NALCN: variants seen among roughly 807,000 people sequenced by gnomAD.
NALCN encodes sodium leak channel, non-selective.
Under a neutral mutation model 225.3 loss-of-function variants are expected in NALCN, and 111 were observed. That is an observed-to-expected ratio of 0.49 (90% CI 0.42 to 0.58). The LOEUF (loss-of-function observed/expected upper bound fraction) is 0.58, where lower values mean the gene tolerates loss of function less well. NALCN is among the 20% of genes least tolerant of loss of function. NALCN has a pLI of 0.00. For missense variants in NALCN, 1,378 were observed against 2,202.4 expected, an observed-to-expected ratio of 0.63 and a Z score of 7.49; for synonymous variants, 764 against 769.0, an observed-to-expected ratio of 0.99 and a Z score of 0.11.
intron 7 of NALCN, among the ~76,000 whole-genome samples, chr13:101,296,053 G>C: frequency 6.6e-6 from 1 of 152,152 alleles, no homozygotes; most frequent in Non-Finnish European, 1.5e-5. Flanking sequence ...CCTCTTGACA[G>C]ACTCCTGGGC....
At chr13:101,367,476 G>A (rs915960896) in intron 6 of NALCN, among the ~76,000 whole-genome samples, 3 of 151,986 alleles carry the variant, frequency 2.0e-5, no homozygotes, top group Non-Finnish European at 4.4e-5. Context: ...CCTCAAGTGT[G>A]AGCTCCTCCA....
At chr13:101,323,460 T>C (rs930999321) in intron 7 of NALCN, among the ~76,000 whole-genome samples, 2 of 152,250 alleles carry the variant, frequency 1.3e-5, no homozygotes, top group African/African-American at 4.8e-5. Context: ...ATGTACAATA[T>C]GTTCTTAGAT....
intron 25 of NALCN, 62 bp from the exon 26 acceptor site, chr13:101,103,401 T>C: frequency 6.5e-7 from 1 of 1,529,412 alleles, no homozygotes; most frequent in Non-Finnish European, 8.8e-7. Context: ...TTACATTTTC[T>C]GACAGCCGAC....
intron 12 of NALCN, among the ~76,000 whole-genome samples, chr13:101,237,336 A>G (rs1374774670): frequency 6.6e-6 from 1 of 152,088 alleles, no homozygotes; most frequent in South Asian, 2.1e-4. Flanking sequence ...GTTGTTGAGC[A>G]AACACTTAGC....
chr13:101,416,592 T>C (rs188248660), upstream of NALCN: 1 of 152,196 alleles, frequency 6.6e-6, no homozygotes, highest in Non-Finnish European at 1.5e-5. Flanking sequence ...TTTATTTAAA[T>C]TTTTAAAGTT....
chr13:101,351,912 T>C (rs1375469196), intron 6 of NALCN, among the ~76,000 whole-genome samples: 4 of 152,218 alleles, frequency 2.6e-5, no homozygotes, highest in African/African-American at 4.8e-5. Context: ...TCTACAGATA[T>C]GGAACTACCA....
At chr13:101,263,518 G>T (rs1401815318) in intron 10 of NALCN, among the ~76,000 whole-genome samples, 5 of 152,098 alleles carry the variant, frequency 3.3e-5, no homozygotes, top group African/African-American at 1.2e-4. Context: ...TTCCTTAGCT[G>T]TGGATTTATG....
chr13:101,275,669 A>G (rs2138960679), intron 10 of NALCN, among the ~76,000 whole-genome samples: 1 of 152,212 alleles, frequency 6.6e-6, no homozygotes. Flanking sequence ...CTGGGGAGGA[A>G]GAAGGGAGAG....
intron 18 of NALCN, among the ~76,000 whole-genome samples, chr13:101,114,622 G>T (rs1281765088): frequency 2.0e-5 from 3 of 152,152 alleles, no homozygotes; most frequent in African/African-American, 4.8e-5. Context: ...CCATGCGATT[G>T]AGTGGGGCTC....
At chr13:101,136,718 G>T (rs1248033747) in intron 17 of NALCN, among the ~76,000 whole-genome samples, 2 of 152,104 alleles carry the variant, frequency 1.3e-5, no homozygotes, top group Admixed American at 1.3e-4. Flanking sequence ...TGGACATTTG[G>T]GTTGGTTCCA....
rs373448736 is a variant in NALCN, at chr13:101,078,013, G to C, written c.3886-2072C>G. Among the ~76,000 whole-genome samples the C allele has an allele frequency of 2.6e-5, 4 of 152,234 alleles. No individual in the cohort carries two copies. The East Asian group carries it at 7.7e-4, about 29-fold the overall frequency. Reference sequence around the variant, plus strand: ...ATACAGCTCAGGCTGATGCTTCAAAGAGTGCAAGCCCCACGACTTGGTGGC... The same window carrying C: ...ATACAGCTCAGGCTGATGCTTCAAACAGTGCAAGCCCCACGACTTGGTGGC... On this transcript the variant is annotated intron_variant, in intron 34 of 43. Transcript: ENST00000251127.
In NALCN at chr13:101,074,603, G is replaced by A. The variant is rs2033126940; in HGVS notation, c.4014C>T (p.Ile1338=). The A allele has an allele frequency of 1.2e-6, 2 of 1,613,690 alleles. No homozygotes were observed. The highest frequency in any genetic ancestry group is 2.7e-5 in the African/African-American group (2 of 74,988). Residue 1338 remains isoleucine, a synonymous_variant, in exon 36 of 44, where the codon ATC becomes ATT. Coordinates refer to ENST00000251127, the MANE Select transcript of NALCN (RefSeq NM_052867.4). The part of the protein sequence containing the change: ...VVVSMYKSFF[I]IVGMFLLLLC... The stretch of plus-strand genomic sequence containing the variant: ...GCAGCAAGAGAAACATGCCTACTAT[G>A]ATAAAGAAGCTCTTGTACATGCTGA...
At chr13:101,367,964 T>C (rs528497533) in intron 6 of NALCN, among the ~76,000 whole-genome samples, 38 of 149,812 alleles carry the variant, frequency 2.5e-4, no homozygotes, top group African/African-American at 8.3e-4. Context: ...ACACAGGGAA[T>C]TCTTTTTTTG....
chr13:101,341,305 C>T (rs2045552477), intron 7 of NALCN, among the ~76,000 whole-genome samples: 1 of 152,158 alleles, frequency 6.6e-6, no homozygotes, highest in African/African-American at 2.4e-5. Context: ...TCAGAAAGAG[C>T]TTGACCCATT....
intron 11 of NALCN, among the ~76,000 whole-genome samples, chr13:101,256,033 C>T (rs1224020509): frequency 6.6e-6 from 1 of 152,196 alleles, no homozygotes; most frequent in Admixed American, 6.5e-5. Flanking sequence ...TGGCCTCACT[C>T]TGAGTGACTT....
chr13:101,069,589 A>G (rs2032697233), intron 37 of NALCN, among the ~76,000 whole-genome samples: 1 of 152,212 alleles, frequency 6.6e-6, no homozygotes, highest in Admixed American at 6.5e-5. Flanking sequence ...ATGGAAGTTT[A>G]TCATATCAAT....
At chr13:101,114,653 C>T (rs1170567596) in intron 18 of NALCN, among the ~76,000 whole-genome samples, 2 of 152,186 alleles carry the variant, frequency 1.3e-5, no homozygotes, top group Non-Finnish European at 2.9e-5. Flanking sequence ...AGTCCAAATG[C>T]ATGCAGCTTG....
chr13:101,160,241 C>T (rs765716511), intron 15 of NALCN, among the ~76,000 whole-genome samples: 5 of 152,206 alleles, frequency 3.3e-5, no homozygotes, highest in Non-Finnish European at 7.3e-5. Flanking sequence ...TCATTGTTTC[C>T]TCCTGTGGAC....
In NALCN at chr13:101,237,736, T is replaced by C. The variant is rs1468387692; in HGVS notation, c.1434+19A>G. The C allele has an allele frequency of 1.3e-6, 2 of 1,527,302 alleles. No individual in the cohort carries two copies. Among genetic ancestry groups the C allele is most frequent in the East Asian group, 2.4e-5 (1 of 41,314 alleles). 94.6% of individuals were successfully genotyped at this position (1,527,302 alleles called of 1,614,324 possible). On this transcript the variant is annotated intron_variant, in intron 12 of 43. Transcript: ENST00000251127. ...AAATAAATAAATTTCTAAAGACAAA[T>C]AGGCATTATTTTTATTACCTGAAAG... is the stretch of plus-strand genomic sequence containing the variant.
Sources: allele counts gnomAD v4.1 joint callset (sites outside exome capture counted in the v4.1 genomes callset), GRCh38; gene constraint gnomAD v4.1.1; transcripts MANE v1.5; gene names NCBI Gene and HGNC (gene_info 2026-07-23, HGNC 2026-07-21).